The following FLACC1 variants were observed in gnomAD, a reference collection of about 807,000 sequenced individuals.
FLACC1 encodes the protein flagellum-associated coiled-coil domain-containing protein 1.
FLACC1 carries 66 observed loss-of-function variants against 62.8 expected under a neutral mutation model. That is an observed-to-expected ratio of 1.05 (90% CI 0.86 to 1.29). FLACC1 has a LOEUF of 1.29. Among genes scored for constraint, FLACC1 ranks in the 50% most tolerant of loss-of-function variants. The pLI is 0.00. For missense variants in FLACC1, 452 were observed against 489.1 expected (o/e 0.92, Z 0.71); for synonymous variants, 156 against 161.0 (o/e 0.97, Z 0.24).
intron 11 of FLACC1, among the ~76,000 whole-genome samples, chr2:201,305,410 C>T (rs1004852073): frequency 6.6e-6 from 1 of 152,062 alleles, no homozygotes; most frequent in South Asian, 2.1e-4. Flanking sequence ...GTTAGAATGG[C>T]GATCATTAAA....
At chr2:201,290,721 C>G (rs1383735544) in intron 12 of FLACC1, among the ~76,000 whole-genome samples, 1 of 152,198 alleles carries the variant, frequency 6.6e-6, no homozygotes, top group African/African-American at 2.4e-5. Flanking sequence ...TGAGCCGAAG[C>G]AGGGCGAGGC....
At chr2:201,342,578 G>C (rs1257051128) in intron 6 of FLACC1, 147 bp from the exon 7 acceptor site, 2 of 686,002 alleles carry the variant, frequency 2.9e-6, no homozygotes, top group African/African-American at 3.6e-5. Context: ...CTTCCACTGT[G>C]CTCTGCAGTG....
chr2:201,316,609 A>C (rs1182157386), intron 9 of FLACC1, among the ~76,000 whole-genome samples: 5 of 152,186 alleles, frequency 3.3e-5, no homozygotes, highest in African/African-American at 1.2e-4. Flanking sequence ...ATGGATTCAC[A>C]GCAGAACTCT....
rs567762229 is a variant in FLACC1, at chr2:201,300,111, G to A, written c.880-811C>T. Among the ~76,000 whole-genome samples, 10 of 152,280 alleles carry A rather than the reference G, an allele frequency of 6.6e-5. No homozygotes were observed. In the South Asian group the frequency reaches 8.3e-4, roughly 13 times the overall value. On this transcript the variant is annotated intron_variant, in intron 11 of 14. Transcript: ENST00000392257. Reference sequence around the variant, plus strand: ...GGGTGCAGGCCACGGACCGGGAGCCGAAACAGGGTGGGGCACCGCCTCACC... The same window carrying A: ...GGGTGCAGGCCACGGACCGGGAGCCAAAACAGGGTGGGGCACCGCCTCACC...
chr2:201,311,660 T>C (rs1433947667), intron 9 of FLACC1, among the ~76,000 whole-genome samples: 1 of 145,884 alleles, frequency 6.9e-6, no homozygotes, highest in Non-Finnish European at 1.5e-5. Flanking sequence ...GTGATTGTGC[T>C]GCTGCACTCC....
rs972969310 is a variant in FLACC1 at position 201,348,381 on chromosome 2, G to A, written c.186-79C>T. 99 of 1,424,918 alleles carry A rather than the reference G, an allele frequency of 6.9e-5. No homozygotes were observed. The African/African-American group carries it at 7.5e-4, about 11-fold the overall frequency. 88.3% of individuals were successfully genotyped at this position (1,424,918 alleles called of 1,614,324 possible). A position where few individuals can be genotyped will look rare whatever the true frequency, so the allele number is the denominator to read the frequency against. On this transcript the variant is annotated intron_variant, in intron 3 of 14. Coordinates refer to ENST00000392257, the MANE Select transcript of FLACC1 (RefSeq NM_001127391.3). ...AGCTTAGGAGCTGAACCCTGAGGCC[G>A]CCACCATCTGACTTCTGCTCTCTGA...
intron 7 of FLACC1, 51 bp downstream of exon 7, chr2:201,342,319 G>A (rs762842099): frequency 1.0e-5 from 16 of 1,583,084 alleles, no homozygotes; most frequent in Admixed American, 5.0e-5. Context: ...CAAAGGATGC[G>A]GGACCCTTAG....
At chr2:201,322,206 T>C (rs1950416777) in intron 9 of FLACC1, among the ~76,000 whole-genome samples, 1 of 150,876 alleles carries the variant, frequency 6.6e-6, no homozygotes, top group South Asian at 2.1e-4. Flanking sequence ...GAGGCGGAGA[T>C]TGCAGTGAGA....
chr2:201,346,435 G>C lies in FLACC1; in HGVS notation c.368+107C>G, dbSNP rs1370612474. 3.3e-6 allele frequency: 5 copies of C among 1,523,268 alleles called. No homozygotes were observed. The highest frequency in any genetic ancestry group is 1.2e-5 in the South Asian group (1 of 81,904). 94.4% of individuals were successfully genotyped at this position (1,523,268 alleles called of 1,614,324 possible). A position where few individuals can be genotyped will look rare whatever the true frequency, so the allele number is the denominator to read the frequency against. On this transcript the variant is annotated intron_variant, in intron 5 of 14. Transcript: ENST00000392257. The surrounding 1 kb of genome is among the most constrained non-coding windows in gnomAD (Gnocchi z 4.0). ...GCCCTTGCGGCCCCTCCAGAGCAGG[G>C]ACCAGTGGCCTGGGTGTGGGCATAG... is the stretch of plus-strand genomic sequence containing the variant.
intron 12 of FLACC1, among the ~76,000 whole-genome samples, chr2:201,296,602 T>C (rs1473630048): frequency 6.6e-6 from 1 of 152,086 alleles, no homozygotes; most frequent in Non-Finnish European, 1.5e-5. Context: ...ACATGGCACA[T>C]GTATACATAT....
intron 11 of FLACC1, among the ~76,000 whole-genome samples, chr2:201,300,453 A>T (rs1222430750): frequency 1.3e-5 from 2 of 152,198 alleles, no homozygotes; most frequent in Non-Finnish European, 1.5e-5. Flanking sequence ...AGCCCACCAC[A>T]GCTCAAGGAG....
chr2:201,294,503 G>T (rs531340911), intron 12 of FLACC1, among the ~76,000 whole-genome samples: 27 of 152,268 alleles, frequency 1.8e-4, no homozygotes, highest in Non-Finnish European at 2.9e-4. Context: ...AATAAATTAG[G>T]TATTGGTGGG....
At chr2:201,352,776 A>G (rs140218761) in intron 1 of FLACC1, among the ~76,000 whole-genome samples, 1 of 152,360 alleles carries the variant, frequency 6.6e-6, no homozygotes, top group East Asian at 1.9e-4. Context: ...AAGTGTGACT[A>G]TGTTACCTTA....
At chr2:201,292,902 A>G (rs1254491196) in intron 12 of FLACC1, among the ~76,000 whole-genome samples, 1 of 152,218 alleles carries the variant, frequency 6.6e-6, no homozygotes, top group Non-Finnish European at 1.5e-5. Flanking sequence ...CTTTCAATTA[A>G]CAAAGATCAA....
chr2:201,336,705 T>C (rs1228224902), intron 7 of FLACC1, among the ~76,000 whole-genome samples: 1 of 152,232 alleles, frequency 6.6e-6, no homozygotes, highest in African/African-American at 2.4e-5. Flanking sequence ...ATATTTTTAA[T>C]TTTTTGAGAA....
intron 10 of FLACC1, 37 bp downstream of exon 10, chr2:201,309,114 C>G (rs375776012): frequency 3.3e-5 from 51 of 1,556,980 alleles, no homozygotes; most frequent in Non-Finnish European, 4.4e-5. Flanking sequence ...TTTTTTAATG[C>G]ACTTGTCATC....
At chr2:201,298,934 T>C (rs1212300650) in intron 12 of FLACC1, among the ~76,000 whole-genome samples, 1 of 152,258 alleles carries the variant, frequency 6.6e-6, no homozygotes, top group Non-Finnish European at 1.5e-5. Flanking sequence ...TGGTGTTTTA[T>C]AACTGAAAGA....
intron 9 of FLACC1, among the ~76,000 whole-genome samples, chr2:201,313,604 A>G (rs1178971179): frequency 1.3e-5 from 2 of 152,048 alleles, no homozygotes; most frequent in African/African-American, 2.4e-5. Context: ...CCCTGCCCCA[A>G]CCTGATGGTC....
chr2:201,360,070 A>G (rs994669025), upstream of FLACC1, among the ~76,000 whole-genome samples: 1 of 152,214 alleles, frequency 6.6e-6, no homozygotes, highest in African/African-American at 2.4e-5. Context: ...AATTACTACT[A>G]CTTGGGTATC....
Sources: gnomAD v4.1 joint callset for allele counts (sites outside exome capture counted in the v4.1 genomes callset) on GRCh38, gnomAD v4.1.1 for gene constraint, Gnocchi (gnomAD v3.1) non-coding constraint, MANE v1.5 for transcripts, NCBI Gene and HGNC (gene_info 2026-07-23, HGNC 2026-07-21) for gene names.